EIF3E: variants seen among roughly 807,000 people sequenced by gnomAD.
The protein encoded by EIF3E is eukaryotic translation initiation factor 3 subunit E.
Under a neutral mutation model 59.3 loss-of-function variants are expected in EIF3E, and 25 were observed. The ratio of observed to expected loss-of-function variants is 0.42; its 90% CI spans 0.31 to 0.59. The LOEUF is 0.59. Ranked by LOEUF, EIF3E falls within the 20% of genes least tolerant of loss-of-function variation. The probability of loss-of-function intolerance (pLI) is 0.15; values close to 1 mark genes in which losing one functional copy is unlikely to be tolerated. For synonymous variants in EIF3E, 176 were observed against 170.2 expected (o/e 1.03, Z -0.26); for missense variants, 317 against 534.3 (o/e 0.59, Z 4.01).
chr8:108,236,094 G>A, intron 4 of EIF3E, 67 bp downstream of exon 4: 2 of 1,381,290 alleles, frequency 1.4e-6, no homozygotes, highest in Non-Finnish European at 2.0e-6. Context: ...AAGCTCATCT[G>A]TACAAACCAG....
intron 7 of EIF3E, among the ~76,000 whole-genome samples, chr8:108,218,494 T>C (rs1300451561): frequency 6.6e-6 from 1 of 152,172 alleles, no homozygotes; most frequent in East Asian, 1.9e-4. Context: ...CACTTAATAA[T>C]ATCTAGTCCC....
chr8:108,241,081 G>A (rs1411803256), intron 2 of EIF3E, among the ~76,000 whole-genome samples: 1 of 152,134 alleles, frequency 6.6e-6, no homozygotes, highest in Non-Finnish European at 1.5e-5. Context: ...AGTCAAACAT[G>A]TGGATTATGT....
rs1302976565 is a variant in EIF3E at position 108,203,088 on chromosome 8, G to T, written c.1194C>A (p.Val398=). 3 of 1,612,612 alleles carry T rather than the reference G, an allele frequency of 1.9e-6. No individual in the cohort carries two copies. The highest frequency in any genetic ancestry group is 2.5e-6 in the Non-Finnish European group (3 of 1,179,100). Residue 398 remains valine (V), a synonymous_variant, in exon 12 of 13, where the codon GTC becomes GTA. Coordinates refer to ENST00000220849, the MANE Select transcript of EIF3E (RefSeq NM_001568.3). ...TTTCAATCACTTGCTGATAGGGTGA[G>T]ACTGCATTGTTACCCATAACCACAT... The part of the protein sequence containing the change: ...LGHVVMGNNA[V]SPYQQVIEKT...
chr8:108,216,481 T>C lies in EIF3E; in HGVS notation c.882A>G (p.Glu294=), dbSNP rs749913032. 9 of 1,609,420 alleles carry C rather than the reference T, an allele frequency of 5.6e-6. No homozygotes were observed. The highest frequency in any genetic ancestry group is 1.7e-5 in the Admixed American group (1 of 59,030). ...AGTTAACATATAAACATTCAACAAA[T>C]TCTGTAATTGGGTCTTTATATGTGT... The part of the protein sequence containing the change: ...ESYTYKDPIT[E]FVECLYVNFD... The change falls in exon 9 of 13, where the codon GAA becomes GAG. Residue 294 remains glutamate (E), a synonymous_variant. Coordinates refer to ENST00000220849, the MANE Select transcript of EIF3E (RefSeq NM_001568.3).
At chr8:108,220,041 G>T (rs1376464664) in intron 7 of EIF3E, among the ~76,000 whole-genome samples, 2 of 152,046 alleles carry the variant, frequency 1.3e-5, no homozygotes, top group African/African-American at 2.4e-5. Flanking sequence ...TACTCAGGAG[G>T]CTGAGGCAAG....
intron 4 of EIF3E, 101 bp downstream of exon 4, chr8:108,236,060 A>T (rs1305790628): frequency 1.2e-6 from 1 of 865,540 alleles, no homozygotes; most frequent in Non-Finnish European, 1.7e-6. Flanking sequence ...TTAATCTGGA[A>T]ATTATATTCT....
chr8:108,210,931 AT>A (rs1483512683), intron 10 of EIF3E, among the ~76,000 whole-genome samples: 1 of 152,026 alleles, frequency 6.6e-6, no homozygotes, highest in Non-Finnish European at 1.5e-5. Context: ...TGAACTCATC[AT>A]TTTTTATGGC....
At position 108,216,610 on chromosome 8, in the gene EIF3E, C is replaced by G. The variant is rs996862323; in HGVS notation, c.850-97G>C. On this transcript the variant is annotated intron_variant, in intron 8 of 12. Transcript: ENST00000220849. ...AATCTTCTTGTTTTCTCCTTCTTTA[C>G]CATTAATTTCTAGCCAAATTACCTA... 4 of 837,638 alleles carry G rather than the reference C, an allele frequency of 4.8e-6. No individual in the cohort carries two copies. In the African/African-American group the frequency reaches 7.1e-5, roughly 15 times the overall value. 51.9% of individuals were successfully genotyped at this position (837,638 alleles called of 1,614,324 possible).
intron 7 of EIF3E, among the ~76,000 whole-genome samples, chr8:108,218,922 T>G (rs2129871975): frequency 6.6e-6 from 1 of 151,836 alleles, no homozygotes. Flanking sequence ...TAGTTGGAAC[T>G]ACAGGTGCAC....
Position 108,201,917 on chromosome 8 carries a change from T to C in EIF3E, c.1306A>G (p.Asn436Asp). 2 of 1,580,172 alleles carry C rather than the reference T, an allele frequency of 1.3e-6. No individual in the cohort carries two copies. The highest frequency in any genetic ancestry group is 4.5e-5 in the East Asian group (2 of 44,032). Residue 436 changes from asparagine (N) to aspartate (D), a missense_variant, in exon 13 of 13, where the codon AAC (asparagine) becomes GAC (aspartate). Asn to Asp is a conservative substitution (Grantham distance 23). Around this residue, in one of 4 missense-constraint regions of EIF3E, gnomAD observed 45 missense variants for 97.8 expected, o/e 0.46. Transcript: ENST00000220849. Reference sequence around the variant, plus strand: ...AAGCCAGAATCTTGAGTTGCCCAGTTAGGAGCCTAAAATATGCAAAAAGAA... The same window carrying C: ...AAGCCAGAATCTTGAGTTGCCCAGTCAGGAGCCTAAAATATGCAAAAAGAA... Reference protein sequence around the residue: ...LNQNSRSEAPNWATQDSGFY With the variant: ...LNQNSRSEAPDWATQDSGFY
In EIF3E at chr8:108,201,940, G is replaced by C. The variant is rs1208187196; in HGVS notation, c.1300-17C>G. The C allele has an allele frequency of 7.1e-6, 11 of 1,557,676 alleles. No individual in the cohort carries two copies. In the East Asian group the frequency reaches 2.3e-4, roughly 33 times the overall value. ...GTTAGGAGCCTAAAATATGCAAAAAGAAATCAACACCGTGAAAAGAAAATA... is the reference window on the plus strand; with the variant it reads ...GTTAGGAGCCTAAAATATGCAAAAACAAATCAACACCGTGAAAAGAAAATA... On this transcript the variant is annotated splice_polypyrimidine_tract_variant and intron_variant, in intron 12 of 12. Transcript: ENST00000220849.
intron 9 of EIF3E, among the ~76,000 whole-genome samples, chr8:108,215,631 TAAG>T (rs1458126415): frequency 6.6e-6 from 1 of 151,828 alleles, no homozygotes; most frequent in Non-Finnish European, 1.5e-5. Flanking sequence ...AAAAATAAAA[TAAG>T]AAAATCATCA....
At chr8:108,239,624 C>A (rs1382089920) in intron 3 of EIF3E, among the ~76,000 whole-genome samples, 2 of 152,126 alleles carry the variant, frequency 1.3e-5, no homozygotes, top group Admixed American at 6.5e-5. Context: ...CACTAGGTCC[C>A]TATAGCACCC....
At chr8:108,228,225 T>C in intron 7 of EIF3E, 42 bp downstream of exon 7, 1 of 1,521,764 alleles carries the variant, frequency 6.6e-7, no homozygotes, top group Non-Finnish European at 8.8e-7. Flanking sequence ...TCCATGTAAT[T>C]TTATCTAAAC....
intron 6 of EIF3E, 140 bp from the exon 7 acceptor site, chr8:108,228,531 C>T (rs1020766270): frequency 1.8e-5 from 10 of 552,324 alleles, no homozygotes; most frequent in South Asian, 6.9e-5. Context: ...GATCAATGTC[C>T]GACCCCCTAT....
At chr8:108,201,964 T>C (rs760011599) in intron 12 of EIF3E, 41 bp from the exon 13 acceptor site, 3 of 1,520,284 alleles carry the variant, frequency 2.0e-6, no homozygotes, top group East Asian at 4.7e-5. Flanking sequence ...GAAAAGAAAA[T>C]ACTTTCGGAA....
chr8:108,204,309 T>A (rs1487655352), intron 10 of EIF3E, among the ~76,000 whole-genome samples: 1 of 152,056 alleles, frequency 6.6e-6, no homozygotes, highest in Non-Finnish European at 1.5e-5. Context: ...TACGTGCCCA[T>A]CAACTAATGA....
At chr8:108,226,189 T>C (rs1815513349) in intron 7 of EIF3E, 1 of 133,336 alleles carries the variant, frequency 7.5e-6, no homozygotes, top group Non-Finnish European at 1.6e-5. Flanking sequence ...CATTCAATAA[T>C]TCTTTTTTTT....
intron 10 of EIF3E, among the ~76,000 whole-genome samples, chr8:108,208,355 G>A (rs73700823): frequency 0.02 from 3,051 of 152,136 alleles, 89 homozygotes; most frequent in African/African-American, 0.066. Flanking sequence ...CATATCCAAA[G>A]AAAAGTACTC....
Sources: gnomAD v4.1 joint callset for allele counts (sites outside exome capture counted in the v4.1 genomes callset) on GRCh38, gnomAD v4.1.1 for gene constraint, gnomAD v4.1.1 regional missense constraint, MANE v1.5 for transcripts, NCBI Gene and HGNC (gene_info 2026-07-23, HGNC 2026-07-21) for gene names.